WT1: variants seen among roughly 807,000 people sequenced by gnomAD.
WT1 encodes Wilms tumor protein.
Under a neutral mutation model 60.8 loss-of-function variants are expected in WT1, and 8 were observed. That is an observed-to-expected ratio of 0.13 (90% CI 0.08 to 0.24). WT1 has a LOEUF of 0.24. WT1 is among the 10% of genes least tolerant of loss of function. The pLI, the probability that WT1 is intolerant of heterozygous loss-of-function variation, is 1.00. For missense variants in WT1, 568 were observed against 711.8 expected, an observed-to-expected ratio of 0.80 and a Z score of 2.30; for synonymous variants, 312 against 297.1, an observed-to-expected ratio of 1.05 and a Z score of -0.52.
chr11:32,424,660 ATG>A (rs1216963161), intron 3 of WT1, among the ~76,000 whole-genome samples: 3 of 152,200 alleles, frequency 2.0e-5, no homozygotes, highest in East Asian at 1.9e-4. Context: ...TGCTGATTGA[ATG>A]TATTTTCTAT....
rs550908510 is a variant in WT1 at position 32,395,713 on chromosome 11, C to T, written c.1264+544G>A. ...CTGACCTTGGGTGATCCACCCACTT[C>T]GGCCTCCCAAAGTGCTGGGATTACA... is the stretch of plus-strand genomic sequence containing the variant. On this transcript the variant is annotated intron_variant, in intron 7 of 9. Coordinates refer to ENST00000452863, the MANE Select transcript of WT1 (RefSeq NM_024426.6). Among the ~76,000 whole-genome samples the T allele has an allele frequency of 1.8e-4, 27 of 152,156 alleles. 1 individual carries two copies. In the South Asian group the frequency reaches 4.8e-3, roughly 27 times the overall value.
chr11:32,428,308 C>A (rs945385980), intron 2 of WT1, among the ~76,000 whole-genome samples, 189 bp downstream of exon 2: 4 of 152,234 alleles, frequency 2.6e-5, no homozygotes, highest in Non-Finnish European at 5.9e-5. Context: ...ATGGCGATGT[C>A]CCTAACGTAC....
chr11:32,405,130 A>T (rs562730199), intron 5 of WT1, among the ~76,000 whole-genome samples: 4 of 152,340 alleles, frequency 2.6e-5, no homozygotes, highest in African/African-American at 9.6e-5. Context: ...TAAGACAAGT[A>T]AAATGAAGGC....
chr11:32,403,866 C>T (rs1018196548), intron 5 of WT1, among the ~76,000 whole-genome samples: 2 of 151,970 alleles, frequency 1.3e-5, no homozygotes, highest in Non-Finnish European at 2.9e-5. Flanking sequence ...GCTACTGCAC[C>T]GCGCCCAGCC....
intron 5 of WT1, among the ~76,000 whole-genome samples, chr11:32,408,752 C>T (rs1298508376): frequency 1.3e-5 from 2 of 152,026 alleles, no homozygotes; most frequent in Non-Finnish European, 2.9e-5. Context: ...AACCAATAGT[C>T]TGAGAAGAAA....
rs1301545818 is a variant in WT1, at chr11:32,427,949, T to C, written c.887+7A>G. On this transcript the variant is annotated splice_region_variant and intron_variant, in intron 3 of 9. Transcript: ENST00000452863. ...GGACCCAGACGCAGAGCCCAGCGCCTTCCTACCTGCTGTAGGGCGTCCTCA... is the reference window on the plus strand; with the variant it reads ...GGACCCAGACGCAGAGCCCAGCGCCCTCCTACCTGCTGTAGGGCGTCCTCA... 1.2e-6 allele frequency: 2 copies of C among 1,606,890 alleles called. No individual in the cohort carries two copies. Among genetic ancestry groups the C allele is most frequent in the African/African-American group, 2.7e-5 (2 of 74,816 alleles).
chr11:32,417,413 A>G (rs1259915307), intron 4 of WT1, 164 bp downstream of exon 4: 3 of 671,132 alleles, frequency 4.5e-6, no homozygotes, highest in Non-Finnish European at 7.8e-6. Context: ...TTAATACTGA[A>G]CACAACTCAC....
intron 3 of WT1, among the ~76,000 whole-genome samples, chr11:32,419,463 C>T (rs1852784354): frequency 6.6e-6 from 1 of 152,320 alleles, no homozygotes; most frequent in Non-Finnish European, 1.5e-5. Context: ...TGACAATTTT[C>T]CTAGGCCCTT....
intron 5 of WT1, among the ~76,000 whole-genome samples, chr11:32,407,122 A>G (rs929322144): frequency 2.0e-5 from 3 of 152,184 alleles, no homozygotes; most frequent in African/African-American, 7.2e-5. Flanking sequence ...AAAACAAACA[A>G]AAAATGCATA....
At chr11:32,432,129 T>C (rs1353563382) in intron 1 of WT1, among the ~76,000 whole-genome samples, 1 of 152,196 alleles carries the variant, frequency 6.6e-6, no homozygotes, top group Non-Finnish European at 1.5e-5. Flanking sequence ...GATATAATAT[T>C]TAAGAATTTA....
Position 32,435,192 on chromosome 11 carries a change from G to C in WT1, c.169C>G (p.Arg57Gly), listed in dbSNP as rs961526551. The C allele has an allele frequency of 9.2e-6, 14 of 1,529,094 alleles. No homozygotes were observed. Among genetic ancestry groups the C allele is most frequent in the African/African-American group, 1.4e-5 (1 of 72,614 alleles). The allele number at this position is 1,529,094 out of a possible 1,614,324, so 94.7% of individuals were successfully genotyped here. Residue 57 changes from arginine (R) to glycine (G), a missense_variant, in exon 1 of 10, where the codon CGT becomes GGT. Coordinates refer to ENST00000452863, the MANE Select transcript of WT1 (RefSeq NM_024426.6). The stretch of plus-strand genomic sequence containing the variant: ...CCGCGGCTCCTCCGGCCCTGGAGAC[G>C]TTCAGCGCTGGCCTCGGCGGCGCCT...
intron 5 of WT1, among the ~76,000 whole-genome samples, chr11:32,404,101 TC>T (rs33936715): frequency 0.057 from 8,622 of 151,340 alleles, 460 homozygotes; most frequent in African/African-American, 0.14. Flanking sequence ...GTGAAACCCA[TC>T]TCTACAAAAA....
intron 9 of WT1, among the ~76,000 whole-genome samples, chr11:32,389,915 A>T (rs1466264329): frequency 6.6e-6 from 1 of 152,126 alleles, no homozygotes; most frequent in Non-Finnish European, 1.5e-5. Flanking sequence ...ACTACCATTT[A>T]TTTGATGCTT....
At chr11:32,408,641 A>AG (rs970695716) in intron 5 of WT1, among the ~76,000 whole-genome samples, 10 of 151,922 alleles carry the variant, frequency 6.6e-5, no homozygotes, top group Non-Finnish European at 7.4e-5. Context: ...AAAGAAACAC[A>AG]GGGGAGAGAG....
At chr11:32,428,703 G>GC in intron 1 of WT1, 84 bp from the exon 2 acceptor site, 1 of 1,553,712 alleles carries the variant, frequency 6.4e-7, no homozygotes. Flanking sequence ...ACGGGCGGGG[G>GC]GGGTGTGCGC....
Position 32,389,220 on chromosome 11 carries a change from A to G in WT1, c.1448-41T>C, listed in dbSNP as rs781301946. On this transcript the variant is annotated intron_variant, in intron 9 of 9. Coordinates refer to ENST00000452863, the MANE Select transcript of WT1 (RefSeq NM_024426.6). ...CCAGTCAGAGACACTTGCAACAAAG[A>G]GACAGGCACAAGTTCAACTATCAAG... 1.9e-5 allele frequency: 30 copies of G among 1,613,670 alleles called. No homozygotes were observed. The South Asian group carries it at 3.1e-4, about 17-fold the overall frequency.
Position 32,388,811 on chromosome 11 carries a change from T to C in WT1, c.*247A>G. 1 of 615,606 alleles carries C rather than the reference T, an allele frequency of 1.6e-6. No individual in the cohort carries two copies. Among genetic ancestry groups the C allele is most frequent in the Non-Finnish European group, 2.8e-6 (1 of 363,026 alleles). The allele number at this position is 615,606 out of a possible 1,614,324, so 38.1% of individuals were successfully genotyped here. ...ATCCACACCAAATGGCAATGGGCTT[T>C]TAACTAACCAGACATTGTTAGCTGC... On this transcript the variant is annotated 3_prime_UTR_variant, in exon 10 of 10. Transcript: ENST00000452863.
chr11:32,412,245 C>T (rs2133013627), intron 5 of WT1, among the ~76,000 whole-genome samples: 1 of 152,264 alleles, frequency 6.6e-6, no homozygotes, highest in East Asian at 1.9e-4. Flanking sequence ...TACCAAAACG[C>T]ACAGCTTTGT....
Position 32,434,685 on chromosome 11 carries a change from C to A in WT1, c.661+15G>T, listed in dbSNP as rs1362460137. The A allele has an allele frequency of 6.2e-7, 1 of 1,612,620 alleles. No homozygotes were observed. Among genetic ancestry groups the A allele is most frequent in the Non-Finnish European group, 8.5e-7 (1 of 1,179,894 alleles). On this transcript the variant is annotated intron_variant, in intron 1 of 9. Transcript: ENST00000452863. ...CACTGCCCCGCGCGTAGGGGGCGCTCCCCGGCCTACTTACCCTGATTGCGA... is the reference window on the plus strand; with the variant it reads ...CACTGCCCCGCGCGTAGGGGGCGCTACCCGGCCTACTTACCCTGATTGCGA...
Sources: gnomAD v4.1 joint callset for allele counts (sites outside exome capture counted in the v4.1 genomes callset) on GRCh38, gnomAD v4.1.1 for gene constraint, MANE v1.5 for transcripts, NCBI Gene and HGNC (gene_info 2026-07-23, HGNC 2026-07-21) for gene names.